Variants in CD33 observed in about 807,000 individuals in gnomAD.
CD33 encodes myeloid cell surface antigen CD33.
In CD33, 25 loss-of-function variants were observed where a neutral mutation model predicts 31.4. The ratio of observed to expected loss-of-function variants is 0.80; its 90% CI spans 0.58 to 1.11. CD33 has a LOEUF of 1.11. CD33 is among the 50% of genes most tolerant of loss of function. The pLI, the probability that CD33 is intolerant of heterozygous loss-of-function variation, is 0.00. For missense variants in CD33, 407 were observed against 448.1 expected (o/e 0.91, Z 0.83); for synonymous variants, 176 against 180.6 (o/e 0.97, Z 0.20).
the CD33 span, chr19:51,211,846 C>A: frequency 2.5e-6 from 3 of 1,193,152 alleles, no homozygotes; most frequent in Admixed American, 3.4e-5. Flanking sequence ...TCTGGCCACC[C>A]CAGGAACCTG....
chr19:51,237,365 T>C (rs1981872625), intron 6 of CD33: 1 of 152,216 alleles, frequency 6.6e-6, no homozygotes, highest in East Asian at 1.9e-4. Flanking sequence ...TAACATTTAT[T>C]GGGGAAAGGG....
At chr19:51,211,914 T>A in the CD33 span, 2 of 1,436,834 alleles carry the variant, frequency 1.4e-6, no homozygotes, top group African/African-American at 2.8e-5. Flanking sequence ...CTCCTGGATG[T>A]CAGCTGCCCC....
intron 4 of CD33, among the ~76,000 whole-genome samples, chr19:51,232,385 C>T (rs1353756797): frequency 6.6e-6 from 1 of 152,158 alleles, no homozygotes; most frequent in Non-Finnish European, 1.5e-5. Context: ...TTGGAGAGGA[C>T]TTGCTTGGGT....
chr19:51,216,156 C>G, the CD33 span, among the ~76,000 whole-genome samples: 3 of 151,942 alleles, frequency 2.0e-5, no homozygotes, highest in Admixed American at 2.0e-4. Context: ...CTGAAATGCC[C>G]TTCCCTCCCA....
chr19:51,235,957 GAC>G, intron 6 of CD33: 1 of 692,344 alleles, frequency 1.4e-6, no homozygotes, highest in South Asian at 1.5e-5. Flanking sequence ...AGGAGATTGA[GAC>G]TATCCTGGCT....
intron 4 of CD33, among the ~76,000 whole-genome samples, chr19:51,231,119 A>G (rs1981375184): frequency 6.6e-6 from 1 of 152,250 alleles, no homozygotes; most frequent in Non-Finnish European, 1.5e-5. Flanking sequence ...TATTTCAAGT[A>G]GCAGAGCATA....
intron 6 of CD33, chr19:51,238,535 A>C (rs1276336838): frequency 6.6e-6 from 1 of 152,484 alleles, no homozygotes; most frequent in Non-Finnish European, 1.5e-5. Context: ...TGCAGGCTGT[A>C]GTGTTGGTGG....
At chr19:51,215,804 G>C in the CD33 span, among the ~76,000 whole-genome samples, 1 of 151,966 alleles carries the variant, frequency 6.6e-6, no homozygotes, top group Admixed American at 6.6e-5. Flanking sequence ...GGCTCATTTG[G>C]TGCCCTTTTC....
chr19:51,223,918 G>T (rs967038371), upstream of CD33, among the ~76,000 whole-genome samples: 1 of 152,168 alleles, frequency 6.6e-6, no homozygotes, highest in Non-Finnish European at 1.5e-5. Context: ...TGTGTGGTGA[G>T]GACATGAGGC....
intron 4 of CD33, among the ~76,000 whole-genome samples, chr19:51,233,310 G>A (rs1202092625): frequency 6.6e-6 from 1 of 152,220 alleles, no homozygotes; most frequent in African/African-American, 2.4e-5. Flanking sequence ...CAACTCAATT[G>A]TGTGTTCGCC....
At chr19:51,232,066 T>C (rs537788425) in intron 4 of CD33, among the ~76,000 whole-genome samples, 18 of 152,364 alleles carry the variant, frequency 1.2e-4, no homozygotes, top group African/African-American at 4.3e-4. Flanking sequence ...GCCTGGCCCC[T>C]TGAGCATTTC....
upstream of CD33, among the ~76,000 whole-genome samples, chr19:51,223,623 G>C (rs574465732): frequency 4.6e-5 from 7 of 152,278 alleles, no homozygotes; most frequent in African/African-American, 1.7e-4. Context: ...CATATGATGA[G>C]CCTCTAAAAA....
chr19:51,226,470 C>A, intron 4 of CD33, 114 bp downstream of exon 4: 2 of 876,778 alleles, frequency 2.3e-6, no homozygotes, highest in Non-Finnish European at 3.8e-6. Flanking sequence ...CAGTTAGACA[C>A]GGGTAGACAT....
At chr19:51,211,937 C>T in the CD33 span, 112 of 1,401,226 alleles carry the variant, frequency 8.0e-5, no homozygotes, top group African/African-American at 1.2e-3. Flanking sequence ...TCTCCCTGGG[C>T]CCCAGGACCC....
At chr19:51,212,706 A>C in the CD33 span, among the ~76,000 whole-genome samples, 1 of 152,142 alleles carries the variant, frequency 6.6e-6, no homozygotes, top group East Asian at 1.9e-4. Context: ...TGGACAGGTG[A>C]TACAGTCTCA....
At chr19:51,214,765 C>A in the CD33 span, among the ~76,000 whole-genome samples, 1 of 152,140 alleles carries the variant, frequency 6.6e-6, no homozygotes, top group Non-Finnish European at 1.5e-5. Flanking sequence ...CTAATATATG[C>A]TCCCATTTTG....
chr19:51,217,140 G>C, the CD33 span, among the ~76,000 whole-genome samples: 31 of 152,292 alleles, frequency 2.0e-4, no homozygotes, highest in African/African-American at 7.2e-4. Flanking sequence ...GGCGAGAGCA[G>C]GCCTGAGCGG....
chr19:51,212,295 C>G, the CD33 span, among the ~76,000 whole-genome samples: 3 of 152,098 alleles, frequency 2.0e-5, no homozygotes, highest in Non-Finnish European at 4.4e-5. Flanking sequence ...GAAATCCTCT[C>G]TTATTGTCCT....
At chr19:51,216,533 A>G in the CD33 span, among the ~76,000 whole-genome samples, 1 of 151,878 alleles carries the variant, frequency 6.6e-6, no homozygotes. Context: ...ACAAGGTGAA[A>G]CCCCATCTCT....
Sources: allele counts gnomAD v4.1 joint callset (sites outside exome capture counted in the v4.1 genomes callset), GRCh38; gene constraint gnomAD v4.1.1; transcripts MANE v1.5; gene names NCBI Gene and HGNC (gene_info 2026-07-23, HGNC 2026-07-21).